Variants in UBE4A observed in about 807,000 individuals in gnomAD.
The protein encoded by UBE4A is ubiquitination factor E4A.
In UBE4A, 48 loss-of-function variants were observed where a neutral mutation model predicts 117.9. The ratio of observed to expected loss-of-function variants is 0.41; its 90% CI spans 0.32 to 0.52. The LOEUF (loss-of-function observed/expected upper bound fraction) is 0.52, where lower values mean the gene tolerates loss of function less well. Ranked by LOEUF, UBE4A falls within the 20% of genes least tolerant of loss-of-function variation. The pLI is 0.33. For missense variants in UBE4A, 1,067 were observed against 1,296.3 expected, an observed-to-expected ratio of 0.82 and a Z score of 2.72; for synonymous variants, 407 against 450.0, an observed-to-expected ratio of 0.90 and a Z score of 1.21.
At chr11:118,374,159 G>C (rs558563506) in intron 8 of UBE4A, among the ~76,000 whole-genome samples, 2 of 151,874 alleles carry the variant, frequency 1.3e-5, no homozygotes, top group Non-Finnish European at 2.9e-5. Flanking sequence ...AGAACAGCAC[G>C]TGTGGGGTAA....
At chr11:118,394,719 A>G (rs1948852547) in intron 19 of UBE4A, among the ~76,000 whole-genome samples, 1 of 151,562 alleles carries the variant, frequency 6.6e-6, no homozygotes, top group Admixed American at 6.6e-5. Flanking sequence ...GGTTGCAGTG[A>G]GCCAAGATCA....
rs777932100 is a variant in UBE4A, at chr11:118,373,507, A to G, written c.938A>G (p.Tyr313Cys). Residue 313 changes from tyrosine to cysteine, a missense_variant, in exon 8 of 20, where the codon TAC becomes TGC. By Grantham distance (194) the Tyr-to-Cys change is radical. This residue lies in a region of UBE4A where 1,001 missense variants were observed against 1,184.0 expected (regional missense o/e 0.85). Coordinates refer to ENST00000252108, the MANE Select transcript of UBE4A (RefSeq NM_001204077.2). The stretch of plus-strand genomic sequence containing the variant: ...CTTCTCTTACAGGTTTTTGTAGAAT[A>G]CATTCAGCCCAAGGACCCTACCAAT... ...QKDMAKVFVE[Y>C]IQPKDPTNGQ... 2 of 1,612,412 alleles carry G rather than the reference A, an allele frequency of 1.2e-6. No individual in the cohort carries two copies. Among genetic ancestry groups the G allele is most frequent in the South Asian group, 1.1e-5 (1 of 90,866 alleles).
chr11:118,379,841 C>T (rs1381886314), intron 11 of UBE4A, 91 bp downstream of exon 11: 96 of 1,393,772 alleles, frequency 6.9e-5, no homozygotes, highest in Non-Finnish European at 9.3e-5. Context: ...AATACCCTTT[C>T]TTCGTTATCA....
At chr11:118,382,835 A>G in intron 13 of UBE4A, 59 bp downstream of exon 13, 7 of 1,416,786 alleles carry the variant, frequency 4.9e-6, no homozygotes, top group Non-Finnish European at 6.6e-6. Context: ...GGAGTTTCAT[A>G]GTTTGATCCG....
At chr11:118,396,090 C>G (rs1948869198) in intron 19 of UBE4A, among the ~76,000 whole-genome samples, 1 of 144,998 alleles carries the variant, frequency 6.9e-6, no homozygotes, top group Non-Finnish European at 1.5e-5. Context: ...GCAAGACTGT[C>G]TCCAAAAAAA....
intron 2 of UBE4A, among the ~76,000 whole-genome samples, chr11:118,367,654 A>C (rs771070486): frequency 6.6e-6 from 1 of 151,198 alleles, no homozygotes; most frequent in Non-Finnish European, 1.5e-5. Flanking sequence ...GGTGTGTGCC[A>C]CCACGCCTGG....
chr11:118,396,201 T>C, intron 19 of UBE4A, 113 bp from the exon 20 acceptor site: 6 of 1,370,852 alleles, frequency 4.4e-6, no homozygotes, highest in Middle Eastern at 1.9e-4. Context: ...GACTCAAAGT[T>C]ATAATGCACT....
intron 16 of UBE4A, among the ~76,000 whole-genome samples, chr11:118,389,327 C>T (rs1555127794): frequency 6.6e-6 from 1 of 152,162 alleles, no homozygotes; most frequent in African/African-American, 2.4e-5. Flanking sequence ...CAGGGACATA[C>T]ACTTACTAAA....
In UBE4A at chr11:118,390,723, A is replaced by G. The variant is rs142299294; in HGVS notation, c.2835A>G (p.Ala945=). 326 of 1,601,778 alleles carry G rather than the reference A, an allele frequency of 2.0e-4. No individual in the cohort carries two copies. The African/African-American group carries it at 3.3e-3, about 16-fold the overall frequency. The change falls in exon 18 of 20, where the codon GCA becomes GCG. Residue 945 remains alanine, a synonymous_variant. Coordinates refer to ENST00000252108, the MANE Select transcript of UBE4A (RefSeq NM_001204077.2). ...DGRSYSPTLF[A]QTVRVLKKIN... Reference sequence around the variant, plus strand: ...GTTCCTATTCCCCAACTCTCTTTGCACAGACAGTTCGAGTCTTGAAGAAAA... The same window carrying G: ...GTTCCTATTCCCCAACTCTCTTTGCGCAGACAGTTCGAGTCTTGAAGAAAA...
chr11:118,388,446 C>T (rs1427053756), intron 16 of UBE4A, among the ~76,000 whole-genome samples: 1 of 151,570 alleles, frequency 6.6e-6, no homozygotes. Flanking sequence ...GTCAGGAGTT[C>T]GAGACCAGCC....
At position 118,365,134 on chromosome 11, in the gene UBE4A, T is replaced by C. The variant is rs1349024436; in HGVS notation, c.54T>C (p.Leu18=). ...NNISSNPFAA[L]FGSLADAKQF... is the part of the protein sequence containing the mutation. ...TCTCAAGTAACCCCTTTGCTGCTCT[T>C]TTTGGCTCCCTGGCTGATGCCAAAC... is the stretch of plus-strand genomic sequence containing the variant. The change falls in exon 2 of 20, where the codon CTT becomes CTC. Residue 18 remains leucine (L), a synonymous_variant. Coordinates refer to ENST00000252108, the MANE Select transcript of UBE4A (RefSeq NM_001204077.2). The C allele has an allele frequency of 6.2e-7, 1 of 1,614,074 alleles. No individual in the cohort carries two copies. Among genetic ancestry groups the C allele is most frequent in the Admixed American group, 1.7e-5 (1 of 60,008 alleles).
chr11:118,375,368 CTT>C, intron 9 of UBE4A, 139 bp downstream of exon 9: 4 of 902,314 alleles, frequency 4.4e-6, no homozygotes, highest in South Asian at 2.4e-5. Context: ...ATTTTTTTTT[CTT>C]TTTTTTTGAG....
intron 9 of UBE4A, among the ~76,000 whole-genome samples, chr11:118,375,771 C>T (rs993446662): frequency 2.0e-5 from 3 of 152,066 alleles, no homozygotes; most frequent in African/African-American, 7.2e-5. Flanking sequence ...CATATTCATT[C>T]ATTCATAGTT....
Position 118,367,146 on chromosome 11 carries a change from G to A in UBE4A, c.122-1485G>A, listed in dbSNP as rs541037429. ...ACCTGGGAGGTAGAGGTTGCGGTGA[G>A]CCGAGATCACACCACTGCACTCCAG... On this transcript the variant is annotated intron_variant, in intron 2 of 19. Transcript: ENST00000252108. Among the ~76,000 whole-genome samples the A allele has an allele frequency of 8.0e-5, 12 of 150,426 alleles. No homozygotes were observed. In the South Asian group the frequency reaches 2.5e-3, roughly 32 times the overall value.
intron 4 of UBE4A, 136 bp from the exon 5 acceptor site, chr11:118,371,378 C>A: frequency 2.8e-6 from 3 of 1,056,332 alleles, no homozygotes; most frequent in Non-Finnish European, 4.0e-6. Context: ...ATATACAGGG[C>A]CCTTTTTTTC....
intron 1 of UBE4A, among the ~76,000 whole-genome samples, chr11:118,360,943 G>A (rs574489654): frequency 1.3e-5 from 2 of 150,814 alleles, no homozygotes; most frequent in East Asian, 3.9e-4. Context: ...CTGTATGGCA[G>A]TTGAAAATAG....
chr11:118,388,813 TG>T (rs1193714086), intron 16 of UBE4A, among the ~76,000 whole-genome samples: 2 of 151,930 alleles, frequency 1.3e-5, no homozygotes, highest in Non-Finnish European at 2.9e-5. Flanking sequence ...TTAAAAATGA[TG>T]TAAAACAGAC....
intron 15 of UBE4A, among the ~76,000 whole-genome samples, chr11:118,385,221 G>A (rs956582278): frequency 4.6e-5 from 7 of 152,164 alleles, no homozygotes; most frequent in Non-Finnish European, 8.8e-5. Context: ...GCCAAACTAA[G>A]TTGTACTGGC....
chr11:118,393,849 G>T (rs1948842980), intron 19 of UBE4A, among the ~76,000 whole-genome samples: 1 of 152,146 alleles, frequency 6.6e-6, no homozygotes, highest in Non-Finnish European at 1.5e-5. Flanking sequence ...TCCCACCTCA[G>T]CCTCCCAAAG....
Sources: gnomAD v4.1 joint callset for allele counts (sites outside exome capture counted in the v4.1 genomes callset) on GRCh38, gnomAD v4.1.1 for gene constraint, gnomAD v4.1.1 regional missense constraint, MANE v1.5 for transcripts, NCBI Gene and HGNC (gene_info 2026-07-23, HGNC 2026-07-21) for gene names.